RPS6KA4: variants seen among roughly 807,000 people sequenced by gnomAD.
RPS6KA4 encodes ribosomal protein S6 kinase alpha-4.
In RPS6KA4, 38 loss-of-function variants were observed where a neutral mutation model predicts 89.6. The ratio of observed to expected loss-of-function variants is 0.42; its 90% CI spans 0.33 to 0.56. The LOEUF (loss-of-function observed/expected upper bound fraction) is 0.56. Among genes scored for constraint, RPS6KA4 ranks in the 20% least tolerant of loss-of-function variants. RPS6KA4 has a pLI of 0.07. For synonymous variants in RPS6KA4, 495 were observed against 492.8 expected (o/e 1.00, Z -0.06); for missense variants, 873 against 1,098.8 (o/e 0.79, Z 2.90).
intron 9 of RPS6KA4, among the ~76,000 whole-genome samples, chr11:64,366,675 T>A (rs976231732): frequency 3.3e-5 from 5 of 152,206 alleles, no homozygotes; most frequent in Non-Finnish European, 7.3e-5. Flanking sequence ...CTGCTCCTGC[T>A]ACCTGGAGTA....
At chr11:64,367,766 G>GGT (rs112547025) in intron 9 of RPS6KA4, among the ~76,000 whole-genome samples, 3 of 150,900 alleles carry the variant, frequency 2.0e-5, no homozygotes, top group East Asian at 2.0e-4. Context: ...GGAGGAATAA[G>GGT]TTTTTTTTCC....
Position 64,372,180 on chromosome 11 carries a change from TTTAAAA to T in RPS6KA4, c.*702_*707del, listed in dbSNP as rs1415893971. ...AGCCCAGCCAGGCTGTGCCTTTGAC[TTTAAAA>T]TAAAAGTCCACCCAGTGCTGTGTGT... On this transcript the variant is annotated 3_prime_UTR_variant, in exon 17 of 17. Coordinates refer to ENST00000334205, the MANE Select transcript of RPS6KA4 (RefSeq NM_003942.3). The T allele has an allele frequency of 6.5e-6, 1 of 152,784 alleles. No individual in the cohort carries two copies. Among genetic ancestry groups the T allele is most frequent in the Non-Finnish European group, 1.5e-5 (1 of 68,056 alleles). The allele number at this position is 152,784 out of a possible 1,614,324, so 9.5% of individuals were successfully genotyped here. A position where few individuals can be genotyped will look rare whatever the true frequency, so the allele number is the denominator to read the frequency against.
At chr11:64,360,998 G>A (rs997106997) in intron 4 of RPS6KA4, 136 bp from the exon 5 acceptor site, 2 of 639,034 alleles carry the variant, frequency 3.1e-6, no homozygotes. Flanking sequence ...TTATTCAGTG[G>A]CTCTGCCCTG....
In RPS6KA4 at chr11:64,361,570, G is replaced by C; in HGVS notation, c.651+21G>C. On this transcript the variant is annotated intron_variant, in intron 6 of 16. Transcript: ENST00000334205. The surrounding 1 kb of genome is among the most constrained non-coding windows in gnomAD (Gnocchi z 4.7). ...GCAAGGTAGGTTGGCAGGGAAGTGG[G>C]GCTGGGGGAGGTGGAAAGGTGGGGT... The C allele has an allele frequency of 6.2e-7, 1 of 1,613,974 alleles. No individual in the cohort carries two copies. The highest frequency in any genetic ancestry group is 8.5e-7 in the Non-Finnish European group (1 of 1,179,990).
In RPS6KA4 at chr11:64,370,648, C is replaced by T; in HGVS notation, c.2043C>T (p.Ser681=). The change falls in exon 16 of 17, where the codon TCC becomes TCT. Residue 681 remains serine (S), a synonymous_variant. Coordinates refer to ENST00000334205, the MANE Select transcript of RPS6KA4 (RefSeq NM_003942.3). This position sits in a 1 kb window ranked among gnomAD's most constrained non-coding sequence, Gnocchi z 4.1. ...SSWLQDGSAR[S]SPPLRTPDVL... ...GGCTGCAGGACGGCAGCGCGCGCTCCTCGCCCCCGCTCCGGACGCCCGACG... is the reference window on the plus strand; with the variant it reads ...GGCTGCAGGACGGCAGCGCGCGCTCTTCGCCCCCGCTCCGGACGCCCGACG... The T allele has an allele frequency of 6.4e-7, 1 of 1,571,292 alleles. No homozygotes were observed. Among genetic ancestry groups the T allele is most frequent in the South Asian group, 1.1e-5 (1 of 87,664 alleles).
chr11:64,362,661 C>T (rs1346850154), intron 8 of RPS6KA4, among the ~76,000 whole-genome samples: 1 of 152,146 alleles, frequency 6.6e-6, no homozygotes, highest in African/African-American at 2.4e-5. Context: ...ACTCATTTCA[C>T]CCTCACAACT....
chr11:64,368,554 C>G lies in RPS6KA4; in HGVS notation c.1287C>G (p.Arg429=). 2 of 1,596,704 alleles carry G rather than the reference C, an allele frequency of 1.3e-6. No homozygotes were observed. Among genetic ancestry groups the G allele is most frequent in the East Asian group, 2.3e-5 (1 of 44,276 alleles). The stretch of plus-strand genomic sequence containing the variant: ...GCTTTTCTGTGTGTCGCCGCTGCCG[C>G]CAGCGCCAGAGCGGCCAGGAGTTCG... ...QGSFSVCRRC[R]QRQSGQEFAV... is the part of the protein sequence containing the mutation. The change falls in exon 11 of 17, where the codon CGC becomes CGG. Residue 429 remains arginine (R), a synonymous_variant. Transcript: ENST00000334205.
Position 64,370,111 on chromosome 11 carries a change from C to T in RPS6KA4, c.1798-114C>T. ...GGGGGTTAGAAGTCAGGGTTCACCA[C>T]GCGTGGGTCTCAGGAGTGCCCCTAG... On this transcript the variant is annotated intron_variant, in intron 14 of 16. Transcript: ENST00000334205. This position sits in a 1 kb window ranked among gnomAD's most constrained non-coding sequence, Gnocchi z 4.1. 1.6e-6 allele frequency: 2 copies of T among 1,273,328 alleles called. No individual in the cohort carries two copies. Among genetic ancestry groups the T allele is most frequent in the Non-Finnish European group, 2.1e-6 (2 of 939,182 alleles). 78.9% of individuals were successfully genotyped at this position (1,273,328 alleles called of 1,614,324 possible). A position where few individuals can be genotyped will look rare whatever the true frequency, so the allele number is the denominator to read the frequency against.
In RPS6KA4 at chr11:64,360,541, G is replaced by C; in HGVS notation, c.411G>C (p.Glu137Asp). Residue 137 changes from glutamate to aspartate, a missense_variant, in exon 4 of 17, where the codon GAG becomes GAC. Glu to Asp is a conservative substitution (Grantham distance 45). Coordinates refer to ENST00000334205, the MANE Select transcript of RPS6KA4 (RefSeq NM_003942.3). ...LYQRQYFKEA[E>D]VRVYGGEIVL... ...AGCGCCAGTACTTCAAGGAGGCTGA[G>C]GTGCGCGTGTATGGGGGTGAGATCG... The C allele has an allele frequency of 6.2e-7, 1 of 1,612,570 alleles. No individual in the cohort carries two copies. Among genetic ancestry groups the C allele is most frequent in the South Asian group, 1.1e-5 (1 of 90,764 alleles).
chr11:64,359,576 GC>G (rs1332567085), intron 2 of RPS6KA4, 127 bp downstream of exon 2: 1 of 985,180 alleles, frequency 1.0e-6, no homozygotes, highest in Non-Finnish European at 1.5e-6. Context: ...AGCCTGCCTT[GC>G]CTGCCCCGCC....
In RPS6KA4 at chr11:64,371,714, C is replaced by T. The variant is rs903224502; in HGVS notation, c.*234C>T. ...CTGCTGGGGAGTGGGGTTTGGGGGG[C>T]CCTCTCCCAGGACACTGCCTCTTCT... On this transcript the variant is annotated 3_prime_UTR_variant, in exon 17 of 17. Coordinates refer to ENST00000334205, the MANE Select transcript of RPS6KA4 (RefSeq NM_003942.3). The T allele has an allele frequency of 4.4e-6, 2 of 458,566 alleles. No individual in the cohort carries two copies. The highest frequency in any genetic ancestry group is 2.0e-5 in the African/African-American group (1 of 49,100). The allele number at this position is 458,566 out of a possible 1,614,324, so 28.4% of individuals were successfully genotyped here.
At position 64,361,346 on chromosome 11, in the gene RPS6KA4, C is replaced by T. The variant is rs187454989; in HGVS notation, c.570+105C>T. 8 of 1,452,316 alleles carry T rather than the reference C, an allele frequency of 5.5e-6. No homozygotes were observed. In the African/African-American group the frequency reaches 1.1e-4, roughly 20 times the overall value. 90.0% of individuals were successfully genotyped at this position (1,452,316 alleles called of 1,614,324 possible). On this transcript the variant is annotated intron_variant, in intron 5 of 16. Coordinates refer to ENST00000334205, the MANE Select transcript of RPS6KA4 (RefSeq NM_003942.3). This position sits in a 1 kb window ranked among gnomAD's most constrained non-coding sequence, Gnocchi z 4.7. ...CTGGGGCTGCAGAAGTGAATAGCTC[C>T]AAGAAGTTTCCACAGCTCAGCTCTC... is the stretch of plus-strand genomic sequence containing the variant.
Position 64,370,606 on chromosome 11 carries a change from A to C in RPS6KA4, c.2001A>C (p.Gly667=). 1 of 1,586,446 alleles carries C rather than the reference A, an allele frequency of 6.3e-7. No individual in the cohort carries two copies. The highest frequency in any genetic ancestry group is 1.7e-4 in the Middle Eastern group (1 of 5,868). ...VDPAKRLKLE[G]LRGSSWLQDG... is the part of the protein sequence containing the mutation. Reference sequence around the variant, plus strand: ...CCGCCAAGCGGCTGAAGCTCGAGGGACTGCGGGGCAGCTCGTGGCTGCAGG... The same window carrying C: ...CCGCCAAGCGGCTGAAGCTCGAGGGCCTGCGGGGCAGCTCGTGGCTGCAGG... The change falls in exon 16 of 17, where the codon GGA becomes GGC. Residue 667 remains glycine, a synonymous_variant. Coordinates refer to ENST00000334205, the MANE Select transcript of RPS6KA4 (RefSeq NM_003942.3). The surrounding 1 kb of genome is among the most constrained non-coding windows in gnomAD (Gnocchi z 4.1).
intron 8 of RPS6KA4, among the ~76,000 whole-genome samples, chr11:64,364,881 A>G (rs1365557972): frequency 1.3e-5 from 2 of 150,624 alleles, no homozygotes; most frequent in African/African-American, 2.4e-5. Context: ...CTGGGATTAC[A>G]GGTGTGCACC....
At chr11:64,371,101 CA>C (rs374004148) in intron 16 of RPS6KA4, among the ~76,000 whole-genome samples, 181 bp from the exon 17 acceptor site, 17,131 of 85,634 alleles carry the variant, frequency 0.2, 908 homozygotes, top group Non-Finnish European at 0.22. Context: ...GAGACTCCGT[CA>C]AAAAAAAAAA....
At chr11:64,369,997 C>CGGCT (rs2037015209) in intron 14 of RPS6KA4, 104 bp downstream of exon 14, 9 of 1,281,562 alleles carry the variant, frequency 7.0e-6, no homozygotes, top group Middle Eastern at 2.7e-4. Context: ...TTGGTGGGGG[C>CGGCT]GGCTGGGTTT....
chr11:64,365,999 A>G (rs573400791), intron 9 of RPS6KA4, among the ~76,000 whole-genome samples: 1 of 151,800 alleles, frequency 6.6e-6, no homozygotes, highest in East Asian at 2.0e-4. Context: ...AGATCACACC[A>G]TTGCATTCCA....
At chr11:64,360,703 A>G (rs2036722280) in intron 4 of RPS6KA4, 111 bp downstream of exon 4, 3 of 918,126 alleles carry the variant, frequency 3.3e-6, no homozygotes, top group African/African-American at 1.7e-5. Context: ...CTGGGGGGCC[A>G]GTGGTGAGCT....
At position 64,360,428 on chromosome 11, in the gene RPS6KA4, G is replaced by A. The variant is rs759709840; in HGVS notation, c.346+47G>A. 9 of 1,580,758 alleles carry A rather than the reference G, an allele frequency of 5.7e-6. No individual in the cohort carries two copies. In the South Asian group the frequency reaches 8.1e-5, roughly 14 times the overall value. On this transcript the variant is annotated intron_variant, in intron 3 of 16. Coordinates refer to ENST00000334205, the MANE Select transcript of RPS6KA4 (RefSeq NM_003942.3). ...ACGGGGTTGGGGTGGCTGGGGGCAG[G>A]CGAGGCCACCTGACGGGGCTGCTTC... is the stretch of plus-strand genomic sequence containing the variant.
Sources: gnomAD v4.1 joint callset for allele counts (sites outside exome capture counted in the v4.1 genomes callset) on GRCh38, gnomAD v4.1.1 for gene constraint, Gnocchi (gnomAD v3.1) non-coding constraint, MANE v1.5 for transcripts, NCBI Gene and HGNC (gene_info 2026-07-23, HGNC 2026-07-21) for gene names.